CCHCR1: variants seen among roughly 807,000 people sequenced by gnomAD.
The protein encoded by CCHCR1 is coiled-coil alpha-helical rod protein 1.
Under a neutral mutation model 114.6 loss-of-function variants are expected in CCHCR1, and 91 were observed. The observed-to-expected ratio is 0.79, with a 90% CI of 0.67 to 0.94. The LOEUF (loss-of-function observed/expected upper bound fraction) is 0.94. CCHCR1 is among the 40% of genes least tolerant of loss of function. CCHCR1 has a pLI of 0.00. For synonymous variants in CCHCR1, 379 were observed against 428.5 expected, an observed-to-expected ratio of 0.88 and a Z score of 1.43; for missense variants, 899 against 1,079.9, an observed-to-expected ratio of 0.83 and a Z score of 2.35.
intron 10 of CCHCR1, among the ~76,000 whole-genome samples, chr6:31,147,340 C>T (rs1241796444): frequency 6.9e-6 from 1 of 145,156 alleles, no homozygotes; most frequent in Non-Finnish European, 1.5e-5. Flanking sequence ...GCAGAGGTTG[C>T]AGTGAGCTGA....
At chr6:31,149,111 C>A in intron 8 of CCHCR1, 1 of 138,046 alleles carries the variant, frequency 7.2e-6, no homozygotes, top group Non-Finnish European at 1.5e-5. Context: ...GAGATCAGGC[C>A]ACTGCACTCC....
intron 11 of CCHCR1, 68 bp downstream of exon 11, chr6:31,145,628 G>A (rs973771238): frequency 1.4e-6 from 2 of 1,447,646 alleles, no homozygotes; most frequent in Non-Finnish European, 1.9e-6. Context: ...GAGAGAGCTG[G>A]GTCAGGAAGA....
Position 31,157,576 on chromosome 6 carries a change from T to C in CCHCR1, c.25A>G (p.Arg9Gly), listed in dbSNP as rs1408736077. The C allele has an allele frequency of 6.2e-7, 1 of 1,612,016 alleles. No homozygotes were observed. Among genetic ancestry groups the C allele is most frequent in the African/African-American group, 1.3e-5 (1 of 74,916 alleles). Residue 9 changes from arginine (R) to glycine (G), a missense_variant, in exon 1 of 18, where the codon AGG becomes GGG. By Grantham distance (125) the Arg-to-Gly change is moderately radical. Coordinates refer to ENST00000396268, the MANE Select transcript of CCHCR1 (RefSeq NM_001105564.2). MWPHSAGA[R>G]PWASTLTGKD... ...CCTGTTAAAGTGCTGGCCCAAGGCC[T>C]GGCCCCAGCTGAATGTGGCCACATG...
rs1774019359 is a variant in CCHCR1, at chr6:31,144,517, G to T, written c.2167+170C>A. 2 of 604,276 alleles carry T rather than the reference G, an allele frequency of 3.3e-6. No homozygotes were observed. The highest frequency in any genetic ancestry group is 5.8e-6 in the Non-Finnish European group (2 of 342,496). 37.4% of individuals were successfully genotyped at this position (604,276 alleles called of 1,614,324 possible). ...GCCATATGCTGTTTCTTAATCTGGT[G>T]CTGGCTACATGGGTGTGTTCACGAT... On this transcript the variant is annotated intron_variant, in intron 15 of 17. Transcript: ENST00000396268. The surrounding 1 kb of genome is among the most constrained non-coding windows in gnomAD (Gnocchi z 4.6).
Position 31,144,047 on chromosome 6 carries a change from ACT to A in CCHCR1, c.2168-636_2168-635del, listed in dbSNP as rs1207944738. Among the ~76,000 whole-genome samples, 14 of 147,126 alleles carry A rather than the reference ACT, an allele frequency of 9.5e-5. No individual in the cohort carries two copies. The highest frequency in any genetic ancestry group is 2.1e-4 in the Non-Finnish European group (14 of 67,104). ...GCACTCCAGCTGGTGACAGAGGAAG[ACT>A]CTGTCTCAAACAACAACAACAACAA... On this transcript the variant is annotated intron_variant, in intron 15 of 17. Transcript: ENST00000396268. This position sits in a 1 kb window ranked among gnomAD's most constrained non-coding sequence, Gnocchi z 4.6.
chr6:31,148,634 T>C lies in CCHCR1; in HGVS notation c.1457A>G (p.Glu486Gly), dbSNP rs1774710604. ...GACACCAACCTTGGCACCCATACGC[T>C]CCACCTCCACCTCTGCGGCTTTGTC... ...LQDKAAEVEV[E>G]RMGAKGLQLE... The change falls in exon 9 of 18, where the codon GAG becomes GGG. Residue 486 changes from glutamate (E) to glycine (G), a missense_variant. By Grantham distance (98) the Glu-to-Gly change is moderately conservative. Coordinates refer to ENST00000396268, the MANE Select transcript of CCHCR1 (RefSeq NM_001105564.2). 1.2e-6 allele frequency: 2 copies of C among 1,611,856 alleles called. No individual in the cohort carries two copies. The highest frequency in any genetic ancestry group is 1.7e-6 in the Non-Finnish European group (2 of 1,179,114).
rs1258278844 is a variant in CCHCR1, at chr6:31,154,031, G to C, written c.801+465C>G. Among the ~76,000 whole-genome samples the C allele has an allele frequency of 2.6e-5, 4 of 152,160 alleles. No homozygotes were observed. The highest frequency in any genetic ancestry group is 9.7e-5 in the African/African-American group (4 of 41,432). Reference sequence around the variant, plus strand: ...AAATGTGGATGTGTATATCCCCCACGAGGCTGTCAGTTCCATCCACGAAGG... The same window carrying C: ...AAATGTGGATGTGTATATCCCCCACCAGGCTGTCAGTTCCATCCACGAAGG... On this transcript the variant is annotated intron_variant, in intron 4 of 17. Coordinates refer to ENST00000396268, the MANE Select transcript of CCHCR1 (RefSeq NM_001105564.2). The surrounding 1 kb of genome is among the most constrained non-coding windows in gnomAD (Gnocchi z 4.1).
In CCHCR1 at chr6:31,143,824, G is replaced by A. The variant is rs2150992562; in HGVS notation, c.2168-411C>T. On this transcript the variant is annotated intron_variant, in intron 15 of 17. Transcript: ENST00000396268. The surrounding 1 kb of genome is among the most constrained non-coding windows in gnomAD (Gnocchi z 5.3). ...GCCTATAATCCCAGCACTTTGGGAT[G>A]CCAAGGCGGGCGGATCACGAGGTTA... Among the ~76,000 whole-genome samples the A allele has an allele frequency of 6.6e-6, 1 of 152,332 alleles. No homozygotes were observed. Among genetic ancestry groups the A allele is most frequent in the East Asian group, 1.9e-4 (1 of 5,178 alleles).
chr6:31,142,849 A>T (rs1437402981), intron 17 of CCHCR1, 114 bp downstream of exon 17: 2 of 1,486,736 alleles, frequency 1.3e-6, no homozygotes, highest in Non-Finnish European at 1.8e-6. Flanking sequence ...TCGCTAAAAG[A>T]GGCTAAGGGC....
rs2150985828 is a variant in CCHCR1, at chr6:31,142,615, A to C, written c.2593T>G (p.Ser865Ala). The C allele has an allele frequency of 6.2e-7, 1 of 1,613,416 alleles. No individual in the cohort carries two copies. The highest frequency in any genetic ancestry group is 2.2e-5 in the East Asian group (1 of 44,878). The change falls in exon 18 of 18, where the codon TCC becomes GCC. Residue 865 changes from serine to alanine, a missense_variant. By Grantham distance (99) the Ser-to-Ala change is moderately conservative (BLOSUM62 1). Transcript: ENST00000396268. ...GCTTAGCTGCTCATCTGGGGATTGG[A>C]GCTGGAGCATCTGTCAAGGTTGTCT... ...QGDNLDRCSSSNPQMSS is the reference protein window; with the variant it reads ...QGDNLDRCSSANPQMSS
In CCHCR1 at chr6:31,143,286, T is replaced by C. The variant is rs1318853228; in HGVS notation, c.2295A>G (p.Leu765=). The C allele has an allele frequency of 1.2e-6, 2 of 1,612,816 alleles. No homozygotes were observed. Among genetic ancestry groups the C allele is most frequent in the Non-Finnish European group, 8.5e-7 (1 of 1,180,022 alleles). The change falls in exon 16 of 18, where the codon CTA becomes CTG. Residue 765 remains leucine (L), a synonymous_variant. Coordinates refer to ENST00000396268, the MANE Select transcript of CCHCR1 (RefSeq NM_001105564.2). The surrounding 1 kb of genome is among the most constrained non-coding windows in gnomAD (Gnocchi z 5.3). ...CCAGCATGAGGTTCTTATCCCTCTC[T>C]AGCTCCTGCAAGCGCCGGGCCAGTC... is the stretch of plus-strand genomic sequence containing the variant. ...GQRLARRLQE[L]ERDKNLMLAT...
Position 31,157,173 on chromosome 6 carries a change from T to A in CCHCR1, c.217-84A>T, listed in dbSNP as rs1030051481. On this transcript the variant is annotated intron_variant, in intron 1 of 17. Transcript: ENST00000396268. ...GAAAGCCCCTACAATAACAAAGTCA[T>A]AATCCTTGAATTATAGCCAGGTCCA... is the stretch of plus-strand genomic sequence containing the variant. 1.1e-5 allele frequency: 13 copies of A among 1,225,602 alleles called. No individual in the cohort carries two copies. The African/African-American group carries it at 1.9e-4, about 18-fold the overall frequency. 75.9% of individuals were successfully genotyped at this position (1,225,602 alleles called of 1,614,324 possible).
chr6:31,142,610 A>T lies in CCHCR1; in HGVS notation c.2598T>A (p.Asn866Lys), dbSNP rs1413819866. 1 of 1,613,152 alleles carries T rather than the reference A, an allele frequency of 6.2e-7. No individual in the cohort carries two copies. Among genetic ancestry groups the T allele is most frequent in the South Asian group, 1.1e-5 (1 of 91,074 alleles). ...GDNLDRCSSS[N>K]PQMSS ...CAGCTGCTTAGCTGCTCATCTGGGG[A>T]TTGGAGCTGGAGCATCTGTCAAGGT... Residue 866 changes from asparagine to lysine, a missense_variant, in exon 18 of 18, where the codon AAT becomes AAA. Transcript: ENST00000396268.
At chr6:31,155,353 C>T (rs369310028) in intron 3 of CCHCR1, among the ~76,000 whole-genome samples, 43 of 152,100 alleles carry the variant, frequency 2.8e-4, no homozygotes, top group African/African-American at 1.0e-3. Context: ...GCCTGTAATC[C>T]CAGCACTTTG....
Position 31,142,582 on chromosome 6 carries a change from T to A in CCHCR1, c.*10A>T. ...CCCCCAGGCTGGCTTTCCCTCCAAC[T>A]GTCAGCTGCTTAGCTGCTCATCTGG... is the stretch of plus-strand genomic sequence containing the variant. On this transcript the variant is annotated 3_prime_UTR_variant, in exon 18 of 18. Coordinates refer to ENST00000396268, the MANE Select transcript of CCHCR1 (RefSeq NM_001105564.2). The A allele has an allele frequency of 1.2e-6, 2 of 1,607,802 alleles. No individual in the cohort carries two copies. The highest frequency in any genetic ancestry group is 1.7e-6 in the Non-Finnish European group (2 of 1,175,902).
At position 31,144,204 on chromosome 6, in the gene CCHCR1, CTTTT is replaced by C. The variant is rs901274715; in HGVS notation, c.2167+479_2167+482del. Among the ~76,000 whole-genome samples, 4 of 152,158 alleles carry C rather than the reference CTTTT, an allele frequency of 2.6e-5. No homozygotes were observed. The highest frequency in any genetic ancestry group is 9.6e-5 in the African/African-American group (4 of 41,518). The stretch of plus-strand genomic sequence containing the variant: ...GAGAAGATACATTCATTACACAATT[CTTTT>C]TTTGACACATGGTCTTTCTCTATCA... On this transcript the variant is annotated intron_variant, in intron 15 of 17. Transcript: ENST00000396268. The surrounding 1 kb of genome is among the most constrained non-coding windows in gnomAD (Gnocchi z 4.6).
At position 31,156,811 on chromosome 6, in the gene CCHCR1, C is replaced by G; in HGVS notation, c.417G>C (p.Arg139=). 1 of 1,612,884 alleles carries G rather than the reference C, an allele frequency of 6.2e-7. No homozygotes were observed. Among genetic ancestry groups the G allele is most frequent in the Non-Finnish European group, 8.5e-7 (1 of 1,179,994 alleles). ...TCACTTGAGGTCTCTGGGTGTCTAGCCGCCTCTCTGAGACATCTTGATGGC... is the reference window on the plus strand; with the variant it reads ...TCACTTGAGGTCTCTGGGTGTCTAGGCGCCTCTCTGAGACATCTTGATGGC... ...PPGHQDVSER[R]LDTQRPQVTM... The change falls in exon 3 of 18, where the codon CGG becomes CGC. Residue 139 remains arginine (R), a synonymous_variant. Transcript: ENST00000396268.
chr6:31,149,819 T>G (rs1181871012), intron 8 of CCHCR1, among the ~76,000 whole-genome samples: 1 of 152,210 alleles, frequency 6.6e-6, no homozygotes, highest in Non-Finnish European at 1.5e-5. Context: ...AGTGATCGCA[T>G]TATAGGTGTG....
Position 31,150,306 on chromosome 6 carries a change from C to A in CCHCR1, c.1213-91G>T. The A allele has an allele frequency of 1.4e-6, 2 of 1,459,972 alleles. No homozygotes were observed. Among genetic ancestry groups the A allele is most frequent in the Non-Finnish European group, 1.9e-6 (2 of 1,054,692 alleles). 90.4% of individuals were successfully genotyped at this position (1,459,972 alleles called of 1,614,324 possible). A position where few individuals can be genotyped will look rare whatever the true frequency, so the allele number is the denominator to read the frequency against. On this transcript the variant is annotated intron_variant, in intron 7 of 17. Transcript: ENST00000396268. This position sits in a 1 kb window ranked among gnomAD's most constrained non-coding sequence, Gnocchi z 5.3. ...TTGTTTCTCCTCTGTCCTGCCTGGGCAACATGAGCTACAGCAAGAGGAGTT... is the reference window on the plus strand; with the variant it reads ...TTGTTTCTCCTCTGTCCTGCCTGGGAAACATGAGCTACAGCAAGAGGAGTT...
Sources: allele counts gnomAD v4.1 joint callset (sites outside exome capture counted in the v4.1 genomes callset), GRCh38; gene constraint gnomAD v4.1.1; non-coding constraint Gnocchi (gnomAD v3.1); transcripts MANE v1.5; gene names NCBI Gene and HGNC (gene_info 2026-07-23, HGNC 2026-07-21).